Variants in FRAS1 observed in about 807,000 individuals in gnomAD.
FRAS1 encodes the protein extracellular matrix organizing protein FRAS1.
In FRAS1, 290 loss-of-function variants were observed where a neutral mutation model predicts 435.2. That is an observed-to-expected ratio of 0.67 (90% CI 0.61 to 0.73). The LOEUF (loss-of-function observed/expected upper bound fraction) is 0.73. Ranked by LOEUF, FRAS1 falls within the 30% of genes least tolerant of loss-of-function variation. FRAS1 has a pLI of 0.00. For synonymous variants in FRAS1, 1,800 were observed against 1,851.0 expected, an observed-to-expected ratio of 0.97 and a Z score of 0.71; for missense variants, 4,860 against 5,001.5, an observed-to-expected ratio of 0.97 and a Z score of 0.85.
At chr4:78,346,808 CCCCCAG>C (rs1730619653) in intron 20 of FRAS1, among the ~76,000 whole-genome samples, 1 of 152,106 alleles carries the variant, frequency 6.6e-6, no homozygotes, top group Non-Finnish European at 1.5e-5. Context: ...GGGAGCTCCT[CCCCCAG>C]TGTCCCAGAG....
intron 29 of FRAS1, among the ~76,000 whole-genome samples, chr4:78,392,536 A>G (rs1028007861): frequency 2.6e-5 from 4 of 152,014 alleles, no homozygotes; most frequent in African/African-American, 7.2e-5. Flanking sequence ...TCTGGTTTGT[A>G]ACATTAATAT....
intron 26 of FRAS1, chr4:78,379,406 A>G (rs1459071579): frequency 2.4e-5 from 7 of 291,124 alleles, no homozygotes; most frequent in Non-Finnish European, 4.4e-5. Flanking sequence ...CATGTCTTCT[A>G]TATGGAACGT....
intron 2 of FRAS1, among the ~76,000 whole-genome samples, chr4:78,069,802 T>A (rs1416321642): frequency 1.2e-4 from 17 of 137,052 alleles, no homozygotes; most frequent in East Asian, 2.1e-4. Context: ...TTTTTTTTTT[T>A]AACTTACTTT....
rs1252135234 is a variant in FRAS1 at position 78,413,007 on chromosome 4, C to G, written c.4347C>G (p.Ser1449Arg). ...CCAATGCCCAGACCCGCCTGGAGAG[C>G]CACATGTTCAACATCGCGATCTTAC... ...SASNAQTRLE[S>R]HMFNIAILPQ... The change falls in exon 32 of 74, where the codon AGC becomes AGG. Residue 1449 changes from serine to arginine, a missense_variant. Transcript: ENST00000512123. 1 of 1,609,316 alleles carries G rather than the reference C, an allele frequency of 6.2e-7. No individual in the cohort carries two copies. The highest frequency in any genetic ancestry group is 8.5e-7 in the Non-Finnish European group (1 of 1,178,126).
intron 2 of FRAS1, among the ~76,000 whole-genome samples, chr4:78,117,367 G>A (rs993103656): frequency 6.6e-6 from 1 of 152,142 alleles, no homozygotes; most frequent in Non-Finnish European, 1.5e-5. Context: ...TCCTACATTT[G>A]AATGTTGGCC....
At chr4:78,186,551 T>C (rs748046936) in intron 2 of FRAS1, among the ~76,000 whole-genome samples, 4 of 152,178 alleles carry the variant, frequency 2.6e-5, no homozygotes, top group Non-Finnish European at 5.9e-5. Flanking sequence ...TATATAGATA[T>C]AGTTTTAAGA....
At chr4:78,526,767 A>G (rs1030306132) in intron 70 of FRAS1, 110 bp downstream of exon 70, 2 of 675,338 alleles carry the variant, frequency 3.0e-6, no homozygotes, top group African/African-American at 3.8e-5. Flanking sequence ...TTTCATAGTC[A>G]TTCACTGACA....
At chr4:78,181,554 G>A (rs1578170838) in intron 2 of FRAS1, 4 of 1,611,450 alleles carry the variant, frequency 2.5e-6, no homozygotes, top group East Asian at 4.5e-5. Context: ...AGACCACCAC[G>A]ACCTCGAATA....
intron 19 of FRAS1, among the ~76,000 whole-genome samples, chr4:78,334,363 CTTTTTTTTTTTTT>C (rs1007481617): frequency 4.3e-5 from 4 of 92,270 alleles, no homozygotes; most frequent in Admixed American, 1.1e-4. Flanking sequence ...AACCAATTTT[CTTTTTTTTTTTTT>C]TTTTTTTTTT....
At chr4:78,143,746 A>T (rs558901038) in intron 2 of FRAS1, among the ~76,000 whole-genome samples, 4 of 151,632 alleles carry the variant, frequency 2.6e-5, no homozygotes, top group African/African-American at 7.3e-5. Flanking sequence ...AAATAATAAA[A>T]AAAAAAAAAT....
rs1190259271 is a variant in FRAS1, at chr4:78,499,843, C to T, written c.9238C>T (p.Arg3080Cys). 7 of 1,613,354 alleles carry T rather than the reference C, an allele frequency of 4.3e-6. No individual in the cohort carries two copies. The highest frequency in any genetic ancestry group is 5.9e-6 in the Non-Finnish European group (7 of 1,179,566). The change falls in exon 61 of 74, where the codon CGC (arginine) becomes TGC (cysteine). Residue 3080 changes from arginine (R) to cysteine (C), a missense_variant. Coordinates refer to ENST00000512123, the MANE Select transcript of FRAS1 (RefSeq NM_025074.7). ...GGATCAGAACAGGACCTCCAAGGTT[C>T]GCTGCAGCACGCGGGATGGCTCTGC... ...RGDQNRTSKV[R>C]CSTRDGSAQS...
Position 78,422,172 on chromosome 4 carries a change from C to T in FRAS1, c.4678+172C>T, listed in dbSNP as rs78049587. 2.0e-5 allele frequency among the ~76,000 whole-genome samples: 3 copies of T among 149,470 alleles called. No homozygotes were observed. The South Asian group carries it at 6.4e-4, about 32-fold the overall frequency. On this transcript the variant is annotated intron_variant, in intron 34 of 73. Coordinates refer to ENST00000512123, the MANE Select transcript of FRAS1 (RefSeq NM_025074.7). ...ATATGTAACTTGAACTCAGTTCCAT[C>T]TTTTTTTTTTCCATTTATTCATGCA...
intron 2 of FRAS1, among the ~76,000 whole-genome samples, chr4:78,104,803 G>A (rs564392850): frequency 1.4e-4 from 21 of 152,232 alleles, no homozygotes; most frequent in African/African-American, 5.1e-4. Context: ...ATACTTAAGA[G>A]CCCTATTCTA....
Position 78,191,788 on chromosome 4 carries a change from G to T in FRAS1, c.109-45722G>T, listed in dbSNP as rs149727940. Among the ~76,000 whole-genome samples, 905 of 151,956 alleles carry T rather than the reference G, an allele frequency of 6.0e-3. 11 individuals are homozygous for T. Among genetic ancestry groups the T allele is most frequent in the African/African-American group, 0.021 (859 of 41,432 alleles). On this transcript the variant is annotated intron_variant, in intron 2 of 73. Transcript: ENST00000512123. ...TTCCCACCTATGAGTGAGAACATGCGGTATTTGGTTTCTTGTCCTTGTGAT... is the reference window on the plus strand; with the variant it reads ...TTCCCACCTATGAGTGAGAACATGCTGTATTTGGTTTCTTGTCCTTGTGAT...
intron 2 of FRAS1, among the ~76,000 whole-genome samples, chr4:78,217,309 G>C (rs1723811757): frequency 6.6e-6 from 1 of 152,144 alleles, no homozygotes; most frequent in Non-Finnish European, 1.5e-5. Context: ...CACCCAAAAA[G>C]AATACTTTCC....
At chr4:78,445,744 C>T (rs1177582736) in intron 42 of FRAS1, 32 bp downstream of exon 42, 1 of 1,612,948 alleles carries the variant, frequency 6.2e-7, no homozygotes, top group Non-Finnish European at 8.5e-7. Flanking sequence ...AAGGTTGAGC[C>T]CTTGACCACA....
At chr4:78,462,734 A>G (rs1237158229) in intron 47 of FRAS1, among the ~76,000 whole-genome samples, 1 of 152,232 alleles carries the variant, frequency 6.6e-6, no homozygotes, top group Admixed American at 6.5e-5. Flanking sequence ...GACAGGGTGC[A>G]ACATTTCTTG....
intron 2 of FRAS1, among the ~76,000 whole-genome samples, chr4:78,086,744 A>C (rs1004497717): frequency 1.2e-4 from 18 of 152,216 alleles, no homozygotes; most frequent in Non-Finnish European, 4.4e-5. Context: ...TGAATCTCTG[A>C]ATAAACTAAT....
chr4:78,250,097 A>G (rs1038009463), intron 4 of FRAS1, among the ~76,000 whole-genome samples: 5 of 152,110 alleles, frequency 3.3e-5, no homozygotes, highest in Non-Finnish European at 4.4e-5. Context: ...ACTTTAAGAT[A>G]TATAAATGAC....
Sources: gnomAD v4.1 joint callset for allele counts (sites outside exome capture counted in the v4.1 genomes callset) on GRCh38, gnomAD v4.1.1 for gene constraint, MANE v1.5 for transcripts, NCBI Gene and HGNC (gene_info 2026-07-23, HGNC 2026-07-21) for gene names.